Variants in MKX observed in about 807,000 individuals in gnomAD.
MKX encodes the protein homeobox protein Mohawk.
A neutral mutation model predicts 36.0 loss-of-function variants in MKX; 13 were observed. The observed-to-expected ratio is 0.36, with a 90% CI of 0.24 to 0.57. The LOEUF (loss-of-function observed/expected upper bound fraction) is 0.57, where lower values mean the gene tolerates loss of function less well. MKX is among the 20% of genes least tolerant of loss of function. MKX has a pLI of 0.79. For synonymous variants in MKX, 176 were observed against 178.3 expected (o/e 0.99, Z 0.10); for missense variants, 458 against 456.4 (o/e 1.00, Z -0.03).
intron 5 of MKX, among the ~76,000 whole-genome samples, chr10:27,727,859 G>A (rs1439450364): frequency 6.6e-6 from 1 of 152,182 alleles, no homozygotes; most frequent in Non-Finnish European, 1.5e-5. Context: ...GATTATTAAA[G>A]TACCTCTCCA....
intron 5 of MKX, among the ~76,000 whole-genome samples, chr10:27,729,061 C>A (rs1481136562): frequency 6.6e-6 from 1 of 152,188 alleles, no homozygotes; most frequent in Non-Finnish European, 1.5e-5. Context: ...GGGATATTCA[C>A]CTCCATCAAG....
At chr10:27,692,948 A>G (rs1244592834) in intron 5 of MKX, among the ~76,000 whole-genome samples, 2 of 152,216 alleles carry the variant, frequency 1.3e-5, no homozygotes, top group Non-Finnish European at 2.9e-5. Flanking sequence ...CCACTGCTCA[A>G]CCAAAACGAC....
At chr10:27,714,009 C>CAAAAAAAAAA (rs10632508) in intron 5 of MKX, among the ~76,000 whole-genome samples, 2 of 102,498 alleles carry the variant, frequency 2.0e-5, no homozygotes, top group East Asian at 2.6e-4. Context: ...GTGCAAAGAC[C>CAAAAAAAAAA]AAAAAAAAAA....
At chr10:27,723,385 A>T (rs1834421619) in intron 5 of MKX, among the ~76,000 whole-genome samples, 1 of 152,214 alleles carries the variant, frequency 6.6e-6, no homozygotes, top group Admixed American at 6.5e-5. Flanking sequence ...ATCTGGATAG[A>T]TTTAGCAGCT....
intron 5 of MKX, among the ~76,000 whole-genome samples, chr10:27,728,143 C>A (rs756158995): frequency 4.6e-5 from 7 of 151,970 alleles, no homozygotes; most frequent in East Asian, 3.9e-4. Context: ...TGGAATAATC[C>A]AAAAAAGGCA....
At chr10:27,687,236 C>T (rs924860219) in intron 5 of MKX, among the ~76,000 whole-genome samples, 4 of 152,024 alleles carry the variant, frequency 2.6e-5, no homozygotes, top group Non-Finnish European at 4.4e-5. Flanking sequence ...GAACACATGA[C>T]CTCGTGATCC....
intron 5 of MKX, among the ~76,000 whole-genome samples, chr10:27,686,181 G>A (rs753846904): frequency 5.8e-4 from 89 of 152,226 alleles, no homozygotes; most frequent in Admixed American, 1.0e-3. Context: ...TTTCTAAATG[G>A]TGAGAAATGA....
intron 5 of MKX, among the ~76,000 whole-genome samples, chr10:27,730,867 G>A (rs1014406767): frequency 2.6e-5 from 4 of 151,776 alleles, no homozygotes; most frequent in Non-Finnish European, 5.9e-5. Flanking sequence ...GGGCGCGGTG[G>A]CTCACGCCTG....
intron 5 of MKX, among the ~76,000 whole-genome samples, chr10:27,692,098 T>C (rs1836465486): frequency 6.6e-6 from 1 of 152,232 alleles, no homozygotes; most frequent in African/African-American, 2.4e-5. Context: ...TGAATGGTAA[T>C]CCTGTTTTAA....
intron 5 of MKX, among the ~76,000 whole-genome samples, chr10:27,711,469 T>TTCTC (rs368158348): frequency 2.5e-4 from 2 of 8,000 alleles, no homozygotes; most frequent in African/African-American, 6.5e-4. Flanking sequence ...CTTTCTTTCT[T>TTCTC]TCTTTCTTTC....
At chr10:27,680,413 TG>T (rs1836235611) in intron 5 of MKX, among the ~76,000 whole-genome samples, 1 of 149,928 alleles carries the variant, frequency 6.7e-6, no homozygotes, top group Non-Finnish European at 1.5e-5. Context: ...TCTTGGATGC[TG>T]CAAAACCCAA....
chr10:27,710,758 A>T (rs2132591291), intron 5 of MKX, among the ~76,000 whole-genome samples: 1 of 152,290 alleles, frequency 6.6e-6, no homozygotes, highest in East Asian at 1.9e-4. Context: ...TCCTAGGTTC[A>T]AGTGATTCTT....
chr10:27,687,738 A>G (rs1356066052), intron 5 of MKX, among the ~76,000 whole-genome samples: 1 of 152,196 alleles, frequency 6.6e-6, no homozygotes. Flanking sequence ...CTCCTCTGTG[A>G]TCTCAAAGGC....
rs144375154 is a variant in MKX, at chr10:27,735,223, T to G, written c.500A>C (p.Glu167Ala). 1.0e-5 allele frequency: 16 copies of G among 1,541,528 alleles called. No homozygotes were observed. The highest frequency in any genetic ancestry group is 4.1e-5 in the Admixed American group (2 of 48,636). Residue 167 changes from glutamate to alanine, a missense_variant and splice_region_variant, in exon 4 of 7, where the codon GAA (glutamate) becomes GCA (alanine). This residue lies in a region of MKX where 297 missense variants were observed against 304.4 expected (regional missense o/e 0.98). Transcript: ENST00000419761. Reference sequence around the variant, plus strand: ...GCAAAATAAAAATATTAACAAACCTTCAGAACATGAGTCATCACTGCTTAC... The same window carrying G: ...GCAAAATAAAAATATTAACAAACCTGCAGAACATGAGTCATCACTGCTTAC... ...LSVSSDDSCS[E>A]DGENPPRTHM... is the part of the protein sequence containing the mutation.
At chr10:27,685,759 G>A (rs984278618) in intron 5 of MKX, among the ~76,000 whole-genome samples, 4 of 152,228 alleles carry the variant, frequency 2.6e-5, no homozygotes, top group African/African-American at 7.2e-5. Context: ...CCAGTAGAGC[G>A]ATTTCTAATC....
intron 3 of MKX, among the ~76,000 whole-genome samples, chr10:27,737,491 C>T (rs1390472626): frequency 6.6e-6 from 1 of 152,082 alleles, no homozygotes; most frequent in Non-Finnish European, 1.5e-5. Flanking sequence ...AATTATTCAA[C>T]TTTTCTGAAC....
chr10:27,701,417 A>C (rs1836651085), intron 5 of MKX, among the ~76,000 whole-genome samples: 1 of 147,064 alleles, frequency 6.8e-6, no homozygotes, highest in African/African-American at 2.5e-5. Flanking sequence ...AACAGGTTTT[A>C]CTATAGATAA....
At chr10:27,737,005 G>C (rs1412807693) in intron 3 of MKX, among the ~76,000 whole-genome samples, 1 of 152,056 alleles carries the variant, frequency 6.6e-6, no homozygotes, top group African/African-American at 2.4e-5. Flanking sequence ...CAAAATTATT[G>C]AGTGACTATT....
chr10:27,716,936 T>C (rs950211227), intron 5 of MKX, among the ~76,000 whole-genome samples: 8 of 152,160 alleles, frequency 5.3e-5, no homozygotes, highest in Non-Finnish European at 1.2e-4. Flanking sequence ...TGGATGGGCT[T>C]GAGGTAATTA....
Sources: allele counts gnomAD v4.1 joint callset (sites outside exome capture counted in the v4.1 genomes callset), GRCh38; gene constraint gnomAD v4.1.1; regional missense constraint gnomAD v4.1.1; transcripts MANE v1.5; gene names NCBI Gene and HGNC (gene_info 2026-07-23, HGNC 2026-07-21).